The following ENOX1 variants were observed in gnomAD, a reference collection of about 807,000 sequenced individuals.
The protein encoded by ENOX1 is candidate growth-related and time keeping constitutive hydroquinone (NADH) oxidase.
ENOX1 carries 42 observed loss-of-function variants against 82.5 expected under a neutral mutation model. That is an observed-to-expected ratio of 0.51 (90% CI 0.40 to 0.66). The LOEUF is 0.66. Among genes scored for constraint, ENOX1 ranks in the 30% least tolerant of loss-of-function variants. ENOX1 has a pLI of 0.00. For missense variants in ENOX1, 608 were observed against 811.6 expected, an observed-to-expected ratio of 0.75 and a Z score of 3.05; for synonymous variants, 271 against 282.2, an observed-to-expected ratio of 0.96 and a Z score of 0.40.
At chr13:43,467,560 T>A (rs1045369076) in intron 3 of ENOX1, among the ~76,000 whole-genome samples, 6 of 150,214 alleles carry the variant, frequency 4.0e-5, no homozygotes, top group African/African-American at 1.5e-4. Flanking sequence ...TCTGGTATAC[T>A]CTTTATCAAA....
At chr13:43,594,850 G>C (rs1460992461) in intron 2 of ENOX1, among the ~76,000 whole-genome samples, 1 of 152,030 alleles carries the variant, frequency 6.6e-6, no homozygotes, top group East Asian at 1.9e-4. Flanking sequence ...TCCTTCAAGA[G>C]ACTCTGCTGC....
At chr13:43,508,144 G>C (rs2077239105) in intron 2 of ENOX1, among the ~76,000 whole-genome samples, 2 of 152,020 alleles carry the variant, frequency 1.3e-5, no homozygotes, top group African/African-American at 2.4e-5. Context: ...GTTATTAAGA[G>C]GTGGATGGAA....
At chr13:43,521,182 G>T (rs952017859) in intron 2 of ENOX1, among the ~76,000 whole-genome samples, 1 of 152,090 alleles carries the variant, frequency 6.6e-6, no homozygotes, top group African/African-American at 2.4e-5. Context: ...CTCATGTCTA[G>T]AAACAGGTTT....
At chr13:43,363,141 T>A (rs2050633359) in intron 5 of ENOX1, among the ~76,000 whole-genome samples, 1 of 152,222 alleles carries the variant, frequency 6.6e-6, no homozygotes, top group Non-Finnish European at 1.5e-5. Flanking sequence ...CACAAAAGAC[T>A]TAAAGTTTTA....
At chr13:43,716,177 C>A (rs1421741791) in intron 1 of ENOX1, among the ~76,000 whole-genome samples, 1 of 152,130 alleles carries the variant, frequency 6.6e-6, no homozygotes, top group African/African-American at 2.4e-5. Context: ...GTTTTTTCCC[C>A]ATCTTTGTGG....
In ENOX1 at chr13:43,627,192, T is replaced by C. The variant is rs141723451; in HGVS notation, c.-219+40287A>G. On this transcript the variant is annotated intron_variant, in intron 2 of 16. Transcript: ENST00000690772. ...ATGTCATTATATCTGATGTTTCTTGTAGATAGCATACAGTTGGTTCATGTT... is the reference window on the plus strand; with the variant it reads ...ATGTCATTATATCTGATGTTTCTTGCAGATAGCATACAGTTGGTTCATGTT... Among the ~76,000 whole-genome samples the C allele has an allele frequency of 1.4e-4, 22 of 152,192 alleles. No homozygotes were observed. In the East Asian group the frequency reaches 4.2e-3, roughly 29 times the overall value.
At chr13:43,461,777 T>C (rs1269725819) in intron 3 of ENOX1, among the ~76,000 whole-genome samples, 3 of 152,196 alleles carry the variant, frequency 2.0e-5, no homozygotes, top group Non-Finnish European at 2.9e-5. Context: ...TAAGTATGTA[T>C]ACAAATAATA....
At chr13:43,451,121 G>A (rs771760229) in intron 3 of ENOX1, among the ~76,000 whole-genome samples, 37 of 152,044 alleles carry the variant, frequency 2.4e-4, no homozygotes, top group African/African-American at 8.7e-4. Flanking sequence ...TATCATGAAG[G>A]GTCTTCTCTC....
At position 43,322,389 on chromosome 13, in the gene ENOX1, T is replaced by C; in HGVS notation, c.1256A>G (p.Glu419Gly). 6.2e-7 allele frequency: 1 copy of C among 1,613,206 alleles called. No homozygotes were observed. The highest frequency in any genetic ancestry group is 1.1e-5 in the South Asian group (1 of 91,002). The change falls in exon 11 of 17, where the codon GAA becomes GGA. Residue 419 changes from glutamate (E) to glycine (G), a missense_variant. Coordinates refer to ENST00000690772, the MANE Select transcript of ENOX1 (RefSeq NM_001347969.2). ...DSPTKKMRVD[E>G]SALAAQAYAL... ...GTGGCAGTTATCGGCATTACCTGATTCATCGACTCTCATTTTCTTTGTAGG... is the reference window on the plus strand; with the variant it reads ...GTGGCAGTTATCGGCATTACCTGATCCATCGACTCTCATTTTCTTTGTAGG...
chr13:43,698,347 A>G (rs768789388), intron 1 of ENOX1, among the ~76,000 whole-genome samples: 1 of 152,206 alleles, frequency 6.6e-6, no homozygotes, highest in African/African-American at 2.4e-5. Flanking sequence ...TGGAAGCTAC[A>G]GTAAAAACAA....
chr13:43,472,994 TTTC>T (rs1450883937), intron 3 of ENOX1, among the ~76,000 whole-genome samples: 1 of 152,212 alleles, frequency 6.6e-6, no homozygotes, highest in Non-Finnish European at 1.5e-5. Context: ...GGGAGTAGAA[TTTC>T]TTAAGTGGGT....
intron 1 of ENOX1, among the ~76,000 whole-genome samples, chr13:43,757,951 T>C (rs1332438832): frequency 6.6e-6 from 1 of 151,890 alleles, no homozygotes; most frequent in Admixed American, 6.6e-5. Context: ...TCTCAACAGA[T>C]TGGCCGGGTG....
chr13:43,655,375 A>C (rs1346204419), intron 2 of ENOX1, among the ~76,000 whole-genome samples: 2 of 152,070 alleles, frequency 1.3e-5, no homozygotes, highest in African/African-American at 4.8e-5. Flanking sequence ...TGGACTGTTA[A>C]ATATGGAAGT....
At position 43,677,678 on chromosome 13, in the gene ENOX1, CA is replaced by C. The variant is rs1419665508; in HGVS notation, c.-284-10135del. On this transcript the variant is annotated intron_variant, in intron 1 of 16. Transcript: ENST00000690772. ...TCACACTATAACTTTCTTTGCAAAG[CA>C]TTTTTTTACATGTATGGTATCTTTT... 6.6e-5 allele frequency among the ~76,000 whole-genome samples: 10 copies of C among 152,110 alleles called. No homozygotes were observed. The South Asian group carries it at 2.1e-3, about 32-fold the overall frequency.
At chr13:43,733,220 A>G (rs1015992619) in intron 1 of ENOX1, among the ~76,000 whole-genome samples, 6 of 152,212 alleles carry the variant, frequency 3.9e-5, no homozygotes, top group Non-Finnish European at 7.3e-5. Context: ...TACCATACAC[A>G]TAAGGAAACA....
At chr13:43,276,340 T>A (rs1362042922) in intron 12 of ENOX1, among the ~76,000 whole-genome samples, 3 of 152,084 alleles carry the variant, frequency 2.0e-5, no homozygotes, top group Admixed American at 2.0e-4. Flanking sequence ...CCAACCTGAT[T>A]TTTCCCAGTA....
At chr13:43,345,502 C>T (rs572466625) in intron 8 of ENOX1, among the ~76,000 whole-genome samples, 307 of 151,352 alleles carry the variant, frequency 2.0e-3, no homozygotes, top group African/African-American at 7.0e-3. Context: ...AATGAAGTTC[C>T]GCCTGAAAAT....
chr13:43,607,086 ATAAC>A (rs2082006391), intron 2 of ENOX1, among the ~76,000 whole-genome samples: 1 of 152,222 alleles, frequency 6.6e-6, no homozygotes, highest in South Asian at 2.1e-4. Context: ...ACATTAAAAA[ATAAC>A]TAAGAGGATA....
At chr13:43,527,155 G>A (rs2078022953) in intron 2 of ENOX1, among the ~76,000 whole-genome samples, 2 of 151,512 alleles carry the variant, frequency 1.3e-5, no homozygotes. Context: ...AAGACACACG[G>A]CAAGACAGAA....
Sources: gnomAD v4.1 joint callset for allele counts (sites outside exome capture counted in the v4.1 genomes callset) on GRCh38, gnomAD v4.1.1 for gene constraint, MANE v1.5 for transcripts, NCBI Gene and HGNC (gene_info 2026-07-23, HGNC 2026-07-21) for gene names.